ROR2: variants seen among roughly 807,000 people sequenced by gnomAD.
The protein encoded by ROR2 is tyrosine-protein kinase transmembrane receptor ROR2.
ROR2 carries 33 observed loss-of-function variants against 74.9 expected under a neutral mutation model. The observed-to-expected ratio is 0.44, with a 90% CI of 0.33 to 0.59. ROR2 has a LOEUF of 0.59. Among genes scored for constraint, ROR2 ranks in the 20% least tolerant of loss-of-function variants. ROR2 has a pLI of 0.02. For missense variants in ROR2, 1,216 were observed against 1,313.8 expected (o/e 0.93, Z 1.15); for synonymous variants, 586 against 558.7 (o/e 1.05, Z -0.69).
chr9:91,826,795 GAAAAA>G (rs910959447), intron 1 of ROR2, among the ~76,000 whole-genome samples: 1 of 125,316 alleles, frequency 8.0e-6, no homozygotes, highest in Non-Finnish European at 1.7e-5. Context: ...AAAAAAAAAA[GAAAAA>G]AGAAAAAAGA....
chr9:91,915,411 G>A (rs983588674), intron 1 of ROR2, among the ~76,000 whole-genome samples: 4 of 152,142 alleles, frequency 2.6e-5, no homozygotes, highest in South Asian at 2.1e-4. Flanking sequence ...ATGAAGCTGC[G>A]GACCTTCACA....
chr9:91,753,046 C>T (rs1825637532), intron 4 of ROR2, among the ~76,000 whole-genome samples: 1 of 152,136 alleles, frequency 6.6e-6, no homozygotes, highest in South Asian at 2.1e-4. Context: ...GGAAAGTAGT[C>T]CTTGATAAGA....
At chr9:91,734,076 G>A (rs554941663) in intron 5 of ROR2, among the ~76,000 whole-genome samples, 99 of 152,324 alleles carry the variant, frequency 6.5e-4, no homozygotes, top group African/African-American at 2.3e-3. Flanking sequence ...TTGGTAGGGC[G>A]GTTTGTTTTT....
chr9:91,834,296 C>CA (rs924345073), intron 1 of ROR2, among the ~76,000 whole-genome samples: 4 of 152,194 alleles, frequency 2.6e-5, no homozygotes, highest in African/African-American at 9.7e-5. Context: ...CTTCCCTGTG[C>CA]CACAGATGCC....
intron 1 of ROR2, among the ~76,000 whole-genome samples, chr9:91,884,613 A>C (rs1366189941): frequency 3.9e-5 from 6 of 152,080 alleles, no homozygotes; most frequent in African/African-American, 1.4e-4. Flanking sequence ...TTTTATCTAA[A>C]TCTTCTCCCT....
intron 1 of ROR2, among the ~76,000 whole-genome samples, chr9:91,831,043 C>T (rs1376659344): frequency 6.6e-6 from 1 of 152,084 alleles, no homozygotes; most frequent in Non-Finnish European, 1.5e-5. Context: ...AGGCGGATCA[C>T]CTGAGGTCAG....
intron 1 of ROR2, among the ~76,000 whole-genome samples, chr9:91,900,997 GTAC>G (rs1440502016): frequency 6.6e-6 from 1 of 152,112 alleles, no homozygotes; most frequent in Non-Finnish European, 1.5e-5. Context: ...TTTTTAATGT[GTAC>G]TACGAGGAAG....
chr9:91,828,924 G>A (rs1217291651), intron 1 of ROR2, among the ~76,000 whole-genome samples: 1 of 152,128 alleles, frequency 6.6e-6, no homozygotes, highest in Non-Finnish European at 1.5e-5. Context: ...GTTTGGTATA[G>A]ACATTAATTA....
chr9:91,821,100 CAAA>C (rs34388374), intron 1 of ROR2, among the ~76,000 whole-genome samples: 4 of 124,416 alleles, frequency 3.2e-5, no homozygotes, highest in Admixed American at 1.5e-4. Context: ...GACTTCGTCT[CAAA>C]AAAAAAAAAA....
In ROR2 at chr9:91,923,325, T is replaced by TAA. The variant is rs138835715; in HGVS notation, c.97+26540_97+26541dup. Among the ~76,000 whole-genome samples the TAA allele has an allele frequency of 7.5e-4, 114 of 152,292 alleles. 1 individual carries two copies. The East Asian group carries it at 0.02, about 26-fold the overall frequency. ...ATGTGGTATGTGGCAACTGAGCACTTAAGTTTGGCTAGTGCAGCCAAGGGT... is the reference window on the plus strand; with the variant it reads ...ATGTGGTATGTGGCAACTGAGCACTTAAAAGTTTGGCTAGTGCAGCCAAGGGT... On this transcript the variant is annotated intron_variant, in intron 1 of 8. Transcript: ENST00000375708.
chr9:91,883,126 G>A (rs987774929), intron 1 of ROR2: 1 of 152,216 alleles, frequency 6.6e-6, no homozygotes, highest in Non-Finnish European at 1.5e-5. Context: ...TAACCTGTAT[G>A]TATGGTACAA....
In ROR2 at chr9:91,723,261, C is replaced by A; in HGVS notation, c.*401G>T. 1 of 182,044 alleles carries A rather than the reference C, an allele frequency of 5.5e-6. No individual in the cohort carries two copies. Among genetic ancestry groups the A allele is most frequent in the Non-Finnish European group, 1.2e-5 (1 of 86,568 alleles). The allele number at this position is 182,044 out of a possible 1,614,324, so 11.3% of individuals were successfully genotyped here. A position where few individuals can be genotyped will look rare whatever the true frequency, so the allele number is the denominator to read the frequency against. On this transcript the variant is annotated 3_prime_UTR_variant, in exon 9 of 9. Coordinates refer to ENST00000375708, the MANE Select transcript of ROR2 (RefSeq NM_004560.4). ...AGGAACCTCAAGACCCGAGGTGCCT[C>A]CTCGCTGCCTTTTGCAGGCCCTTAT... is the stretch of plus-strand genomic sequence containing the variant.
At chr9:91,814,771 A>T (rs988514878) in intron 1 of ROR2, among the ~76,000 whole-genome samples, 1 of 152,016 alleles carries the variant, frequency 6.6e-6, no homozygotes, top group African/African-American at 2.4e-5. Context: ...AAGAAGGAAA[A>T]CTCCCAGGAA....
In ROR2 at chr9:91,723,224, A is replaced by G. The variant is rs1199330701; in HGVS notation, c.*438T>C. ...CCCTTCATCCTCAAACCAACAGACC[A>G]GATCGGTTGTCAGGAACCTCAAGAC... On this transcript the variant is annotated 3_prime_UTR_variant, in exon 9 of 9. Coordinates refer to ENST00000375708, the MANE Select transcript of ROR2 (RefSeq NM_004560.4). 5.8e-6 allele frequency: 1 copy of G among 171,822 alleles called. No homozygotes were observed. The highest frequency in any genetic ancestry group is 1.2e-5 in the Non-Finnish European group (1 of 80,080). 10.6% of individuals were successfully genotyped at this position (171,822 alleles called of 1,614,324 possible).
At chr9:91,837,700 G>C (rs1828652584) in intron 1 of ROR2, among the ~76,000 whole-genome samples, 1 of 152,098 alleles carries the variant, frequency 6.6e-6, no homozygotes, top group South Asian at 2.1e-4. Flanking sequence ...TGTTTTAAAA[G>C]GAGAAGACAA....
intron 1 of ROR2, among the ~76,000 whole-genome samples, chr9:91,852,883 C>T (rs767609007): frequency 3.3e-5 from 5 of 152,246 alleles, no homozygotes; most frequent in Non-Finnish European, 5.9e-5. Context: ...CCCACTGGCA[C>T]AGGCCTCTGC....
intron 2 of ROR2, among the ~76,000 whole-genome samples, chr9:91,769,156 A>G (rs1372028479): frequency 6.6e-6 from 1 of 152,062 alleles, no homozygotes; most frequent in Admixed American, 6.5e-5. Context: ...ACCAAGTCCT[A>G]GTGCTCGACA....
At chr9:91,936,040 C>T (rs1243353718) in intron 1 of ROR2, among the ~76,000 whole-genome samples, 1 of 152,252 alleles carries the variant, frequency 6.6e-6, no homozygotes, top group East Asian at 1.9e-4. Context: ...CAACTCCTGA[C>T]CGCAGCACTG....
intron 1 of ROR2, among the ~76,000 whole-genome samples, chr9:91,855,737 G>A (rs1476219233): frequency 1.3e-5 from 2 of 152,136 alleles, no homozygotes; most frequent in Non-Finnish European, 2.9e-5. Context: ...GTGGTATGGG[G>A]GAGAAGCATC....
Sources: gnomAD v4.1 joint callset for allele counts (sites outside exome capture counted in the v4.1 genomes callset) on GRCh38, gnomAD v4.1.1 for gene constraint, MANE v1.5 for transcripts, NCBI Gene and HGNC (gene_info 2026-07-23, HGNC 2026-07-21) for gene names.